Variants in VPS13B observed in about 807,000 individuals in gnomAD.
VPS13B encodes vacuolar protein sorting 13 homolog B.
In VPS13B, 285 loss-of-function variants were observed where a neutral mutation model predicts 426.4. The ratio of observed to expected loss-of-function variants is 0.67; its 90% CI spans 0.61 to 0.74. The LOEUF is 0.74. Ranked by LOEUF, VPS13B falls within the 30% of genes least tolerant of loss-of-function variation. The pLI, the probability that VPS13B is intolerant of heterozygous loss-of-function variation, is 0.00. For missense variants in VPS13B, 4,537 were observed against 4,782.6 expected, an observed-to-expected ratio of 0.95 and a Z score of 1.51; for synonymous variants, 1,676 against 1,676.4, an observed-to-expected ratio of 1.00 and a Z score of 0.01.
At chr8:99,673,039 T>G (rs1325205607) in intron 35 of VPS13B, among the ~76,000 whole-genome samples, 1 of 152,110 alleles carries the variant, frequency 6.6e-6, no homozygotes, top group African/African-American at 2.4e-5. Flanking sequence ...ACTACTATTT[T>G]GTTGAGGGTT....
intron 15 of VPS13B, among the ~76,000 whole-genome samples, chr8:99,166,435 C>T (rs1315545931): frequency 1.3e-5 from 2 of 152,178 alleles, no homozygotes; most frequent in African/African-American, 2.4e-5. Flanking sequence ...TATCCCGGAA[C>T]AAGCAGTGTG....
chr8:99,094,092 A>G (rs961741071), intron 3 of VPS13B: 4 of 152,188 alleles, frequency 2.6e-5, no homozygotes, highest in South Asian at 4.1e-4. Flanking sequence ...GTTTTAGTGC[A>G]TTTTGGCTGG....
At chr8:99,072,984 A>G (rs372652434) in intron 3 of VPS13B, among the ~76,000 whole-genome samples, 11 of 152,154 alleles carry the variant, frequency 7.2e-5, no homozygotes, top group Admixed American at 2.6e-4. Flanking sequence ...ATATTGTGCT[A>G]TTTTGGTAAT....
At chr8:99,481,893 A>G (rs1218872070) in intron 25 of VPS13B, 91 bp downstream of exon 25, 13 of 1,396,162 alleles carry the variant, frequency 9.3e-6, no homozygotes, top group African/African-American at 2.9e-5. Context: ...TAACCTCACT[A>G]CTGTGAAAAC....
intron 39 of VPS13B, among the ~76,000 whole-genome samples, chr8:99,726,265 T>C (rs1416461037): frequency 6.6e-6 from 1 of 152,228 alleles, no homozygotes; most frequent in African/African-American, 2.4e-5. Context: ...ATGTGAACTT[T>C]TAAATGTTAG....
At chr8:99,817,350 G>A (rs900357086) in intron 44 of VPS13B, among the ~76,000 whole-genome samples, 190 bp from the exon 45 acceptor site, 3 of 151,880 alleles carry the variant, frequency 2.0e-5, no homozygotes, top group Non-Finnish European at 4.4e-5. Context: ...TTTAAATACT[G>A]CAAACTCAAC....
At chr8:99,860,758 T>A (rs978868577) in intron 57 of VPS13B, among the ~76,000 whole-genome samples, 8 of 152,262 alleles carry the variant, frequency 5.3e-5, no homozygotes, top group African/African-American at 1.9e-4. Context: ...TTTCGCTCAC[T>A]AAGATGTGTG....
intron 33 of VPS13B, among the ~76,000 whole-genome samples, chr8:99,608,650 C>T (rs1002329137): frequency 5.3e-5 from 8 of 152,118 alleles, no homozygotes; most frequent in African/African-American, 1.9e-4. Context: ...TAACTACCCC[C>T]AATTTCCCCA....
At chr8:99,215,688 A>C (rs1486184652) in intron 17 of VPS13B, among the ~76,000 whole-genome samples, 1 of 152,148 alleles carries the variant, frequency 6.6e-6, no homozygotes, top group East Asian at 1.9e-4. Flanking sequence ...GCATTGTTTG[A>C]AGCCCATTCA....
At position 99,136,687 on chromosome 8, in the gene VPS13B, G is replaced by A. The variant is rs750429731; in HGVS notation, c.1586G>A (p.Gly529Glu). Residue 529 changes from glycine to glutamate, a missense_variant, in exon 12 of 62, where the codon GGA becomes GAA. This residue lies in a region of VPS13B where 4,311 missense variants were observed against 4,474.3 expected (regional missense o/e 0.96). Transcript: ENST00000357162. ...HHKETYTEIA[G>E]MQRFGAFYMD... ...CAGGAGACATACACTGAGATAGCTG[G>A]AATGCAACGGTTTGGGGCTTTTTAT... The A allele has an allele frequency of 1.9e-6, 3 of 1,613,626 alleles. No individual in the cohort carries two copies. The Admixed American group carries it at 5.0e-5, about 27-fold the overall frequency.
chr8:99,543,431 G>A (rs1168530129), intron 30 of VPS13B, among the ~76,000 whole-genome samples: 3 of 151,362 alleles, frequency 2.0e-5, no homozygotes, highest in Middle Eastern at 3.4e-3. Context: ...AACACCAAAA[G>A]CAATGGCAAC....
chr8:99,096,986 C>G (rs889766141), intron 4 of VPS13B, among the ~76,000 whole-genome samples: 13 of 152,122 alleles, frequency 8.5e-5, no homozygotes, highest in Admixed American at 6.5e-4. Flanking sequence ...TCAGCCTTTT[C>G]AAGAGGAAAG....
intron 35 of VPS13B, among the ~76,000 whole-genome samples, chr8:99,674,316 A>G (rs928733935): frequency 3.3e-5 from 5 of 152,052 alleles, no homozygotes; most frequent in Admixed American, 3.3e-4. Flanking sequence ...TTGCTGAACT[A>G]ATGCCTTTGT....
At chr8:99,852,236 G>C (rs1040613716) in intron 55 of VPS13B, among the ~76,000 whole-genome samples, 2 of 152,234 alleles carry the variant, frequency 1.3e-5, no homozygotes, top group Non-Finnish European at 2.9e-5. Flanking sequence ...GATAAGCTGA[G>C]ATGTCATTTA....
chr8:99,412,424 T>A (rs1381828880), intron 21 of VPS13B, among the ~76,000 whole-genome samples: 1 of 152,244 alleles, frequency 6.6e-6, no homozygotes, highest in South Asian at 2.1e-4. Flanking sequence ...TGATTTTGTA[T>A]CCTGAGACTT....
chr8:99,621,087 G>A lies in VPS13B; in HGVS notation c.5221-20724G>A, dbSNP rs148227513. ...TAAATCTTGCAGACTCCTTTAGTTA[G>A]GGTTAGGAAGAAGTTGTTAAAGATT... On this transcript the variant is annotated intron_variant, in intron 33 of 61. Coordinates refer to ENST00000357162, the MANE Select transcript of VPS13B (RefSeq NM_152564.5). Among the ~76,000 whole-genome samples, 126 of 151,982 alleles carry A rather than the reference G, an allele frequency of 8.3e-4. No homozygotes were observed. The Middle Eastern group carries it at 0.01, about 12-fold the overall frequency.
At chr8:99,725,842 T>C (rs1833324473) in intron 39 of VPS13B, among the ~76,000 whole-genome samples, 1 of 152,220 alleles carries the variant, frequency 6.6e-6, no homozygotes, top group South Asian at 2.1e-4. Context: ...CTTTGTGATA[T>C]CATTGAATAG....
chr8:99,613,161 A>G (rs1827915355), intron 33 of VPS13B, among the ~76,000 whole-genome samples: 1 of 152,164 alleles, frequency 6.6e-6, no homozygotes. Flanking sequence ...AGTCTGATTC[A>G]TCTTTAGTGT....
chr8:99,468,018 T>A (rs765930425), intron 24 of VPS13B, among the ~76,000 whole-genome samples: 42 of 152,224 alleles, frequency 2.8e-4, no homozygotes, highest in Non-Finnish European at 5.7e-4. Flanking sequence ...TTTATTATTA[T>A]ACTTTAACTT....
Sources: allele counts gnomAD v4.1 joint callset (sites outside exome capture counted in the v4.1 genomes callset), GRCh38; gene constraint gnomAD v4.1.1; regional missense constraint gnomAD v4.1.1; transcripts MANE v1.5; gene names NCBI Gene and HGNC (gene_info 2026-07-23, HGNC 2026-07-21).